COL16A1: variants seen among roughly 807,000 people sequenced by gnomAD.
The protein encoded by COL16A1 is collagen type XVI alpha 1 chain, also known as collagen alpha-1(XVI) chain.
In COL16A1, 189 loss-of-function variants were observed where a neutral mutation model predicts 266.3. That is an observed-to-expected ratio of 0.71 (90% CI 0.63 to 0.80). The LOEUF (loss-of-function observed/expected upper bound fraction) is 0.80. Ranked by LOEUF, COL16A1 falls within the 30% of genes least tolerant of loss-of-function variation. The probability of loss-of-function intolerance (pLI) is 0.00; values close to 1 mark genes in which losing one functional copy is unlikely to be tolerated. For synonymous variants in COL16A1, 740 were observed against 782.3 expected (o/e 0.95, Z 0.90); for missense variants, 1,928 against 2,122.4 (o/e 0.91, Z 1.80).
Position 31,668,151 on chromosome 1 carries a change from G to A in COL16A1, c.3303+14C>T, listed in dbSNP as rs759092948. The A allele has an allele frequency of 6.2e-7, 1 of 1,607,798 alleles. No homozygotes were observed. The highest frequency in any genetic ancestry group is 1.7e-5 in the Admixed American group (1 of 58,652). On this transcript the variant is annotated intron_variant, in intron 51 of 70. Coordinates refer to ENST00000373672, the MANE Select transcript of COL16A1 (RefSeq NM_001856.4). This position sits in a 1 kb window ranked among gnomAD's most constrained non-coding sequence, Gnocchi z 5.8. ...ACCTGGCACCCACTCCCCAGCAAGG[G>A]TCCCCTTACTCACAGGCAGTCCTGG...
chr1:31,672,763 C>T lies in COL16A1; in HGVS notation c.2937G>A (p.Gln979=). 1 of 1,614,192 alleles carries T rather than the reference C, an allele frequency of 6.2e-7. No individual in the cohort carries two copies. The highest frequency in any genetic ancestry group is 2.2e-5 in the East Asian group (1 of 44,870). ...CGAGGCCTGGCACACCAGGGATGCC[C>T]TGGTCTCCCTTCTCTCCCTTCTCCA... The part of the protein sequence containing the change: ...YLVEKGEKGD[Q]GIPGVPGLDN... Residue 979 remains glutamine (Q), a synonymous_variant, in exon 45 of 71, where the codon CAG becomes CAA. Coordinates refer to ENST00000373672, the MANE Select transcript of COL16A1 (RefSeq NM_001856.4).
In COL16A1 at chr1:31,660,582, C is replaced by CA. The variant is rs1332851670; in HGVS notation, c.3879+2dup. 1.9e-6 allele frequency: 3 copies of CA among 1,614,002 alleles called. No homozygotes were observed. Among genetic ancestry groups the CA allele is most frequent in the Non-Finnish European group, 2.5e-6 (3 of 1,179,982 alleles). On this transcript the variant is annotated splice_region_variant and intron_variant, in intron 62 of 70. Transcript: ENST00000373672. The stretch of plus-strand genomic sequence containing the variant: ...AGACAGAGACAAAAGTGGTTCAACT[C>CA]ACAACGTGTCCCGGGGGACCGGGTC...
chr1:31,696,236 G>A (rs1369373104), intron 8 of COL16A1, 95 bp from the exon 9 acceptor site: 3 of 1,130,794 alleles, frequency 2.7e-6, no homozygotes, highest in Non-Finnish European at 4.0e-6. Flanking sequence ...TGGGCCCCAG[G>A]TAATCCTTCA....
Position 31,685,423 on chromosome 1 carries a change from C to T in COL16A1, c.2016+216G>A, listed in dbSNP as rs1045092842. ...CCAGGTCTCTCTGCTCCTAGGATGG[C>T]GTGCTTTCTGCCCACTCTGCCATAC... is the stretch of plus-strand genomic sequence containing the variant. On this transcript the variant is annotated intron_variant, in intron 29 of 70. Transcript: ENST00000373672. This position sits in a 1 kb window ranked among gnomAD's most constrained non-coding sequence, Gnocchi z 4.0. Among the ~76,000 whole-genome samples, 1 of 152,268 alleles carries T rather than the reference C, an allele frequency of 6.6e-6. No homozygotes were observed. The highest frequency in any genetic ancestry group is 6.5e-5 in the Admixed American group (1 of 15,298).
chr1:31,667,147 A>G (rs1642210016), intron 52 of COL16A1, among the ~76,000 whole-genome samples: 1 of 152,182 alleles, frequency 6.6e-6, no homozygotes, highest in African/African-American at 2.4e-5. Flanking sequence ...CCCAGGTTCC[A>G]CCACTACCTC....
rs750627702 is a variant in COL16A1 at position 31,665,887 on chromosome 1, C to T, written c.3451G>A (p.Asp1151Asn). ...GPQGNSGEKG[D>N]QGFQGQPGFP... is the part of the protein sequence containing the mutation. ...AGGTCCCAGTCGTCACTCACCTGGT[C>T]GCCCTTCTCACCGGAGTTACCTTGG... is the stretch of plus-strand genomic sequence containing the variant. Residue 1151 changes from aspartate (D) to asparagine (N), a missense_variant, in exon 54 of 71, where the codon GAC becomes AAC. This residue lies in a region of COL16A1 where 1,552 missense variants were observed against 1,637.2 expected (regional missense o/e 0.95). Coordinates refer to ENST00000373672, the MANE Select transcript of COL16A1 (RefSeq NM_001856.4). The T allele has an allele frequency of 1.4e-4, 226 of 1,614,036 alleles. 1 individual carries two copies. Among genetic ancestry groups the T allele is most frequent in the East Asian group, 2.0e-4 (9 of 44,888 alleles).
chr1:31,669,131 G>T (rs1351792342), intron 49 of COL16A1, among the ~76,000 whole-genome samples: 2 of 152,108 alleles, frequency 1.3e-5, no homozygotes, highest in African/African-American at 2.4e-5. Context: ...GACTCTGGGA[G>T]GGTATCTCTC....
chr1:31,653,900 T>C lies in COL16A1; in HGVS notation c.4501A>G (p.Arg1501Gly). ...CCTGGCAAGCCCTGCCGTCCTTCTC[T>C]GCCAATCTGACCAGGGAGCCCAGGT... ...GSPGLPGQIG[R>G]EGRQGLPGVR... The change falls in exon 69 of 71, where the codon AGA becomes GGA. Residue 1501 changes from arginine to glycine, a missense_variant. Coordinates refer to ENST00000373672, the MANE Select transcript of COL16A1 (RefSeq NM_001856.4). The C allele has an allele frequency of 6.2e-7, 1 of 1,613,662 alleles. No individual in the cohort carries two copies. The highest frequency in any genetic ancestry group is 8.5e-7 in the Non-Finnish European group (1 of 1,179,670).
chr1:31,671,575 G>A, intron 48 of COL16A1, 40 bp downstream of exon 48: 1 of 1,613,540 alleles, frequency 6.2e-7, no homozygotes, highest in Non-Finnish European at 8.5e-7. Context: ...TGACCCCTTT[G>A]AGAGCTTCTC....
chr1:31,656,341 C>T lies in COL16A1; in HGVS notation c.4101+59G>A. 7 of 1,592,326 alleles carry T rather than the reference C, an allele frequency of 4.4e-6. No homozygotes were observed. The highest frequency in any genetic ancestry group is 5.1e-6 in the Non-Finnish European group (6 of 1,169,558). Reference sequence around the variant, plus strand: ...TCTCTGTGGCTAAAGCCGTAACTTGCAGCTGGGCTTCATCCACTCGTGAGC... The same window carrying T: ...TCTCTGTGGCTAAAGCCGTAACTTGTAGCTGGGCTTCATCCACTCGTGAGC... On this transcript the variant is annotated intron_variant, in intron 66 of 70. Coordinates refer to ENST00000373672, the MANE Select transcript of COL16A1 (RefSeq NM_001856.4). This position sits in a 1 kb window ranked among gnomAD's most constrained non-coding sequence, Gnocchi z 4.2.
chr1:31,693,291 C>G, intron 12 of COL16A1, 137 bp from the exon 13 acceptor site: 1 of 655,292 alleles, frequency 1.5e-6, no homozygotes, highest in Non-Finnish European at 2.8e-6. Flanking sequence ...TGAGCAGTGT[C>G]CTGCCCCACG....
Position 31,685,324 on chromosome 1 carries a change from C to T in COL16A1, c.2016+315G>A, listed in dbSNP as rs1020199872. 7.2e-5 allele frequency among the ~76,000 whole-genome samples: 11 copies of T among 152,202 alleles called. No homozygotes were observed. The highest frequency in any genetic ancestry group is 1.3e-4 in the Non-Finnish European group (9 of 68,036). On this transcript the variant is annotated intron_variant, in intron 29 of 70. Transcript: ENST00000373672. The surrounding 1 kb of genome is among the most constrained non-coding windows in gnomAD (Gnocchi z 4.0). Reference sequence around the variant, plus strand: ...CGCCATTACTAGGCTTTACTCTGTGCAGGAAACAGAGGTGGAGAGAAGGTG... The same window carrying T: ...CGCCATTACTAGGCTTTACTCTGTGTAGGAAACAGAGGTGGAGAGAAGGTG...
At position 31,661,090 on chromosome 1, in the gene COL16A1, G is replaced by C; in HGVS notation, c.3801C>G (p.Gly1267=). 1 of 1,566,068 alleles carries C rather than the reference G, an allele frequency of 6.4e-7. No individual in the cohort carries two copies. Among genetic ancestry groups the C allele is most frequent in the Admixed American group, 1.9e-5 (1 of 52,538 alleles). The change falls in exon 61 of 71, where the codon GGC becomes GGG. Residue 1267 remains glycine, a synonymous_variant. Transcript: ENST00000373672. Reference sequence around the variant, plus strand: ...CCTCTGCGCCAGGCCGGCCAGTGCTGCCAGGGGGACCTGGTTTGCCACAGT... The same window carrying C: ...CCTCTGCGCCAGGCCGGCCAGTGCTCCCAGGGGGACCTGGTTTGCCACAGT... ...KGDCGKPGPP[G]STGRPGAEGE... is the part of the protein sequence containing the mutation.
Position 31,683,366 on chromosome 1 carries a change from C to T in COL16A1, c.2383G>A (p.Glu795Lys). 6.2e-7 allele frequency: 1 copy of T among 1,614,022 alleles called. No homozygotes were observed. The highest frequency in any genetic ancestry group is 1.6e-4 in the Middle Eastern group (1 of 6,062). Residue 795 changes from glutamate to lysine, a missense_variant, in exon 35 of 71, where the codon GAG becomes AAG. Transcript: ENST00000373672. Reference protein sequence around the residue: ...PGRGVQGPQGEPGAPGLPGIQ... With the variant: ...PGRGVQGPQGKPGAPGLPGIQ... ...CCAGGCAAACCCGGGGCTCCAGGCT[C>T]CCCCTGCAAGTCAGAAAGGGCAGAC...
At chr1:31,694,212 G>A (rs763275449) in intron 11 of COL16A1, 42 bp from the exon 12 acceptor site, 37 of 1,547,352 alleles carry the variant, frequency 2.4e-5, no homozygotes, top group Middle Eastern at 1.7e-4. Context: ...CCGGTAGAGA[G>A]AGAAAACCAG....
In COL16A1 at chr1:31,656,429, G is replaced by A. The variant is rs1641153427; in HGVS notation, c.4072C>T (p.Gln1358Ter). The change falls in exon 66 of 71, where the codon CAG becomes TAG. Residue 1358 changes from glutamine (Q) to a stop codon, truncating the protein, a stop_gained. Transcript: ENST00000373672. LOFTEE classifies it high-confidence loss of function. This position sits in a 1 kb window ranked among gnomAD's most constrained non-coding sequence, Gnocchi z 4.2. The stretch of plus-strand genomic sequence containing the variant: ...GGACCAGGAGGTCCATAGAATCCCT[G>A]CTTTCCAGGGGGTCCCTAGAGGAAA... ...AAGKEGPPGK[Q>*]GFYGPPGPKG... The A allele has an allele frequency of 1.2e-6, 2 of 1,613,138 alleles. No individual in the cohort carries two copies. Among genetic ancestry groups the A allele is most frequent in the African/African-American group, 2.7e-5 (2 of 74,892 alleles).
At chr1:31,654,968 A>ATTTTT in intron 67 of COL16A1, 110 bp from the exon 68 acceptor site, 2 of 435,948 alleles carry the variant, frequency 4.6e-6, no homozygotes, top group South Asian at 7.3e-5. Context: ...CCTCCCACAG[A>ATTTTT]TTCTTTTTTT....
chr1:31,657,029 G>T lies in COL16A1; in HGVS notation c.4056+4C>A. 6.2e-7 allele frequency: 1 copy of T among 1,614,132 alleles called. No individual in the cohort carries two copies. On this transcript the variant is annotated splice_donor_region_variant and intron_variant, in intron 65 of 70. Transcript: ENST00000373672. This position sits in a 1 kb window ranked among gnomAD's most constrained non-coding sequence, Gnocchi z 6.4. Reference sequence around the variant, plus strand: ...GGAAACAGAGAAGACCAGTACAACTGTACCTCTTTGCCAGCTGCACCATCC... The same window carrying T: ...GGAAACAGAGAAGACCAGTACAACTTTACCTCTTTGCCAGCTGCACCATCC...
chr1:31,702,556 T>A (rs1644759854), intron 1 of COL16A1, among the ~76,000 whole-genome samples: 1 of 152,084 alleles, frequency 6.6e-6, no homozygotes, highest in South Asian at 2.1e-4. Flanking sequence ...GTCTAGAAGG[T>A]CTTAGAAGGC....
Sources: gnomAD v4.1 joint callset for allele counts (sites outside exome capture counted in the v4.1 genomes callset) on GRCh38, gnomAD v4.1.1 for gene constraint, gnomAD v4.1.1 regional missense constraint, Gnocchi (gnomAD v3.1) non-coding constraint, MANE v1.5 for transcripts, NCBI Gene and HGNC (gene_info 2026-07-23, HGNC 2026-07-21) for gene names.